Variants in MTCL2 observed in about 807,000 individuals in gnomAD.
MTCL2 encodes the protein microtubule cross-linking factor 2.
At chr20:36,851,306 A>G in the MTCL2 span, among the ~76,000 whole-genome samples, 2 of 152,228 alleles carry the variant, frequency 1.3e-5, no homozygotes, top group South Asian at 4.1e-4. Flanking sequence ...CTAAAACCCC[A>G]AAAAGCAAAA....
At chr20:36,847,821 T>C in the MTCL2 span, among the ~76,000 whole-genome samples, 1 of 136,624 alleles carries the variant, frequency 7.3e-6, no homozygotes, top group Non-Finnish European at 1.5e-5. Context: ...ACCACTACAC[T>C]CCAGCCTGAG....
chr20:36,820,864 A>C, the MTCL2 span, among the ~76,000 whole-genome samples: 18 of 152,300 alleles, frequency 1.2e-4, no homozygotes, highest in Admixed American at 4.6e-4. Context: ...GAGTTTAAAA[A>C]TATATAGAAA....
At chr20:36,819,041 C>T in the MTCL2 span, among the ~76,000 whole-genome samples, 200 of 152,272 alleles carry the variant, frequency 1.3e-3, 1 homozygote, top group African/African-American at 4.6e-3. Context: ...AAATATCTGA[C>T]GACATATTCT....
At chr20:36,839,199 AC>A in the MTCL2 span, 5 of 1,577,572 alleles carry the variant, frequency 3.2e-6, no homozygotes, top group Admixed American at 3.4e-5. This position sits in a 1 kb window ranked among gnomAD's most constrained non-coding sequence, Gnocchi z 5.1. Context: ...CAACAAGGGC[AC>A]CCGAGCCCAG....
At chr20:36,801,411 C>CA in the MTCL2 span, among the ~76,000 whole-genome samples, 1 of 151,642 alleles carries the variant, frequency 6.6e-6, no homozygotes, top group Non-Finnish European at 1.5e-5. Context: ...GATTAAAAAA[C>CA]AAACAAAACA....
chr20:36,844,400 A>T, the MTCL2 span, among the ~76,000 whole-genome samples: 89,759 of 145,018 alleles, frequency 0.62, 28,727 homozygotes, highest in East Asian at 0.97. Flanking sequence ...TACAAAAAAA[A>T]AATAATAATA....
the MTCL2 span, among the ~76,000 whole-genome samples, chr20:36,806,765 C>A: frequency 7.9e-5 from 12 of 152,258 alleles, no homozygotes; most frequent in African/African-American, 2.9e-4. Context: ...AGTGATCTGC[C>A]CACCTTAACC....
At chr20:36,834,111 A>G in the MTCL2 span, among the ~76,000 whole-genome samples, 1 of 151,184 alleles carries the variant, frequency 6.6e-6, no homozygotes, top group Non-Finnish European at 1.5e-5. Flanking sequence ...TGCAGTGAGC[A>G]GCGATCACGC....
the MTCL2 span, among the ~76,000 whole-genome samples, chr20:36,831,694 G>T: frequency 1.3e-5 from 2 of 152,284 alleles, no homozygotes; most frequent in South Asian, 4.1e-4. Context: ...GGCCCATGAG[G>T]CTCCTCCCAC....
At chr20:36,794,614 G>C in the MTCL2 span, 1 of 1,614,012 alleles carries the variant, frequency 6.2e-7, no homozygotes, top group Non-Finnish European at 8.5e-7. The surrounding 1 kb of genome is among the most constrained non-coding windows in gnomAD (Gnocchi z 5.4). Context: ...GAAGGACAGA[G>C]GAGGAAACGT....
chr20:36,797,238 T>C, the MTCL2 span, among the ~76,000 whole-genome samples: 10 of 152,120 alleles, frequency 6.6e-5, no homozygotes, highest in Non-Finnish European at 1.5e-4. Context: ...CATCCAGTGG[T>C]CCACTGCTCA....
At chr20:36,861,121 T>G in the MTCL2 span, among the ~76,000 whole-genome samples, 1 of 152,130 alleles carries the variant, frequency 6.6e-6, no homozygotes, top group Non-Finnish European at 1.5e-5. Context: ...GGTGAGGAAC[T>G]CAGAGTTTCG....
the MTCL2 span, chr20:36,797,646 A>G: frequency 1.4e-5 from 19 of 1,400,090 alleles, 1 homozygote; most frequent in African/African-American, 1.1e-4. Context: ...AAGCAAGGCC[A>G]TTCCCCAGAC....
the MTCL2 span, among the ~76,000 whole-genome samples, chr20:36,847,058 C>T: frequency 1.0e-3 from 155 of 152,302 alleles, no homozygotes; most frequent in African/African-American, 3.6e-3. Context: ...AATTACCAGG[C>T]CCCCGCACAG....
the MTCL2 span, among the ~76,000 whole-genome samples, chr20:36,851,390 A>G: frequency 6.6e-6 from 1 of 152,234 alleles, no homozygotes; most frequent in African/African-American, 2.4e-5. Context: ...CGTACAGCAT[A>G]CAGGCCCTGC....
chr20:36,822,555 CT>C, the MTCL2 span, among the ~76,000 whole-genome samples: 1 of 152,178 alleles, frequency 6.6e-6, no homozygotes, highest in Non-Finnish European at 1.5e-5. Context: ...AGAGAGCTGC[CT>C]GAGCACAGCT....
chr20:36,823,038 C>T, the MTCL2 span, among the ~76,000 whole-genome samples: 1 of 152,198 alleles, frequency 6.6e-6, no homozygotes, highest in South Asian at 2.1e-4. Context: ...GGATTACAGG[C>T]GTGAGCCACT....
the MTCL2 span, among the ~76,000 whole-genome samples, chr20:36,840,061 A>G: frequency 6.6e-6 from 1 of 151,804 alleles, no homozygotes; most frequent in South Asian, 2.1e-4. Context: ...ACGGGGTTTC[A>G]CCATGTTGGC....
chr20:36,805,708 C>T, the MTCL2 span: 1 of 667,780 alleles, frequency 1.5e-6, no homozygotes. Context: ...ATCATCTGGA[C>T]TCTGTTACTG....
Sources: gnomAD v4.1 joint callset for allele counts (sites outside exome capture counted in the v4.1 genomes callset) on GRCh38, gnomAD v4.1.1 for gene constraint, Gnocchi (gnomAD v3.1) non-coding constraint, MANE v1.5 for transcripts, NCBI Gene and HGNC (gene_info 2026-07-23, HGNC 2026-07-21) for gene names.